Variants in GRM7 observed in about 807,000 individuals in gnomAD.
The protein encoded by GRM7 is metabotropic glutamate receptor 7.
GRM7 carries 35 observed loss-of-function variants against 84.5 expected under a neutral mutation model. The observed-to-expected ratio is 0.41, with a 90% CI of 0.32 to 0.55. GRM7 has a LOEUF of 0.55. GRM7 is among the 20% of genes least tolerant of loss of function. The pLI, the probability that GRM7 is intolerant of heterozygous loss-of-function variation, is 0.19. For synonymous variants in GRM7, 487 were observed against 455.1 expected (o/e 1.07, Z -0.89); for missense variants, 1,003 against 1,194.6 (o/e 0.84, Z 2.36).
chr3:7,097,732 C>T (rs1698906612), intron 1 of GRM7, among the ~76,000 whole-genome samples: 1 of 152,096 alleles, frequency 6.6e-6, no homozygotes, highest in South Asian at 2.1e-4. Context: ...TGTGAGGTCA[C>T]CAGAACTTCC....
intron 8 of GRM7, among the ~76,000 whole-genome samples, chr3:7,603,392 A>AC (rs2125072596): frequency 6.6e-6 from 1 of 152,122 alleles, no homozygotes; most frequent in East Asian, 1.9e-4. Context: ...TTGTCTTAGT[A>AC]CCCCCAGACC....
intron 1 of GRM7, among the ~76,000 whole-genome samples, chr3:6,895,481 C>T (rs1248249745): frequency 6.6e-6 from 1 of 152,112 alleles, no homozygotes; most frequent in Non-Finnish European, 1.5e-5. Flanking sequence ...TTTTCTTCAA[C>T]TTTACAACTC....
intron 4 of GRM7, among the ~76,000 whole-genome samples, chr3:7,406,421 A>T (rs2125166782): frequency 6.6e-6 from 1 of 152,082 alleles, no homozygotes; most frequent in Non-Finnish European, 1.5e-5. Flanking sequence ...AATGGCGTGA[A>T]CCCGGGGGAC....
rs946750181 is a variant in GRM7, at chr3:7,188,321, G to T, written c.736+41653G>T. 6.6e-6 allele frequency among the ~76,000 whole-genome samples: 1 copy of T among 152,024 alleles called. No individual in the cohort carries two copies. Among genetic ancestry groups the T allele is most frequent in the African/African-American group, 2.4e-5 (1 of 41,386 alleles). ...ATAGACCCAAAGAACTTTATAGGTA[G>T]GTATGTTATATAATATAATCTGTAA... is the stretch of plus-strand genomic sequence containing the variant. On this transcript the variant is annotated intron_variant, in intron 2 of 9. Coordinates refer to ENST00000357716, the MANE Select transcript of GRM7 (RefSeq NM_000844.4). The surrounding 1 kb of genome is among the most constrained non-coding windows in gnomAD (Gnocchi z 4.2).
Position 6,941,298 on chromosome 3 carries a change from A to G in GRM7, c.519+79391A>G, listed in dbSNP as rs542728760. ...CTTTTAAAGTAATACCAAAATGGCA[A>G]ACGTCTCTATTTTTTACCCTTTCTT... On this transcript the variant is annotated intron_variant, in intron 1 of 9. Transcript: ENST00000357716. 6.6e-5 allele frequency among the ~76,000 whole-genome samples: 10 copies of G among 152,290 alleles called. No individual in the cohort carries two copies. In the South Asian group the frequency reaches 2.1e-3, roughly 32 times the overall value.
chr3:7,185,880 G>T (rs758562099), intron 2 of GRM7, among the ~76,000 whole-genome samples: 2 of 152,142 alleles, frequency 1.3e-5, no homozygotes, highest in Non-Finnish European at 2.9e-5. Flanking sequence ...TTAAATATCT[G>T]TGGTTACATC....
chr3:7,346,462 C>T (rs1692899303), intron 4 of GRM7, among the ~76,000 whole-genome samples: 1 of 152,120 alleles, frequency 6.6e-6, no homozygotes, highest in Non-Finnish European at 1.5e-5. Context: ...CAGTGAATTT[C>T]ATTGGGATCA....
intron 1 of GRM7, among the ~76,000 whole-genome samples, chr3:7,058,449 C>A (rs1697309013): frequency 6.6e-6 from 1 of 151,666 alleles, no homozygotes; most frequent in Admixed American, 6.6e-5. Context: ...CAGAGAGGAA[C>A]AAATTACTTA....
At position 6,959,159 on chromosome 3, in the gene GRM7, A is replaced by T. The variant is rs532662658; in HGVS notation, c.519+97252A>T. 7.9e-5 allele frequency among the ~76,000 whole-genome samples: 12 copies of T among 152,344 alleles called. 1 individual carries two copies. In the South Asian group the frequency reaches 2.3e-3, roughly 29 times the overall value. ...CTACACATGATCTCATTTCATTCAC[A>T]TAATGACCCTATGAAGTAGGTATTG... is the stretch of plus-strand genomic sequence containing the variant. On this transcript the variant is annotated intron_variant, in intron 1 of 9. Coordinates refer to ENST00000357716, the MANE Select transcript of GRM7 (RefSeq NM_000844.4).
At chr3:7,435,904 A>G (rs184866085) in intron 5 of GRM7, among the ~76,000 whole-genome samples, 184 of 114,834 alleles carry the variant, frequency 1.6e-3, no homozygotes, top group Non-Finnish European at 2.8e-3. Context: ...GGGTTTTGCC[A>G]TGTTAGCCAG....
chr3:7,010,756 G>A (rs998967163), intron 1 of GRM7, among the ~76,000 whole-genome samples: 1 of 152,170 alleles, frequency 6.6e-6, no homozygotes, highest in African/African-American at 2.4e-5. Flanking sequence ...TGCAGCATGG[G>A]GTGGAGAGCC....
intron 8 of GRM7, among the ~76,000 whole-genome samples, chr3:7,650,623 A>G (rs1698889751): frequency 6.6e-6 from 1 of 152,246 alleles, no homozygotes; most frequent in African/African-American, 2.4e-5. Flanking sequence ...CAATAGCACT[A>G]TGAAGTGTGG....
intron 3 of GRM7, among the ~76,000 whole-genome samples, chr3:7,300,147 A>G (rs1325388313): frequency 6.6e-6 from 1 of 152,166 alleles, no homozygotes; most frequent in East Asian, 1.9e-4. Flanking sequence ...TGTGTTTTAA[A>G]TCTTTGTCTA....
chr3:7,227,697 A>G (rs575151849), intron 2 of GRM7, among the ~76,000 whole-genome samples: 1 of 152,192 alleles, frequency 6.6e-6, no homozygotes, highest in African/African-American at 2.4e-5. Context: ...ATTTACAGCT[A>G]TTCTTTTAAA....
chr3:7,501,010 A>G (rs1413333177), intron 7 of GRM7, among the ~76,000 whole-genome samples: 1 of 152,268 alleles, frequency 6.6e-6, no homozygotes, highest in Non-Finnish European at 1.5e-5. Context: ...TATGCAAGAC[A>G]CTGAGGATTT....
chr3:7,681,238 A>C (rs1471696314), intron 9 of GRM7: 1 of 152,194 alleles, frequency 6.6e-6, no homozygotes, highest in Non-Finnish European at 1.5e-5. Flanking sequence ...GGCAGAAGGG[A>C]TTTCAGGTTA....
At chr3:7,650,850 T>G (rs949618563) in intron 8 of GRM7, among the ~76,000 whole-genome samples, 1 of 152,188 alleles carries the variant, frequency 6.6e-6, no homozygotes, top group South Asian at 2.1e-4. Flanking sequence ...CCTGAGTAGC[T>G]GGGATTACAG....
intron 1 of GRM7, among the ~76,000 whole-genome samples, chr3:6,909,243 G>A (rs147729441): frequency 6.6e-6 from 1 of 152,214 alleles, no homozygotes; most frequent in Non-Finnish European, 1.5e-5. Context: ...ATCTAAGGAG[G>A]TGATCATTTA....
At chr3:6,976,845 C>A (rs1178722280) in intron 1 of GRM7, among the ~76,000 whole-genome samples, 1 of 152,166 alleles carries the variant, frequency 6.6e-6, no homozygotes, top group Non-Finnish European at 1.5e-5. Flanking sequence ...ATATTCTTGA[C>A]AGCAGGAAAA....
Sources: gnomAD v4.1 joint callset for allele counts (sites outside exome capture counted in the v4.1 genomes callset) on GRCh38, gnomAD v4.1.1 for gene constraint, Gnocchi (gnomAD v3.1) non-coding constraint, MANE v1.5 for transcripts, NCBI Gene and HGNC (gene_info 2026-07-23, HGNC 2026-07-21) for gene names.